NCOA2: variants seen among roughly 807,000 people sequenced by gnomAD.
NCOA2 encodes the protein nuclear receptor coactivator 2.
NCOA2 carries 21 observed loss-of-function variants against 145.1 expected under a neutral mutation model. The ratio of observed to expected loss-of-function variants is 0.14; its 90% CI spans 0.10 to 0.21. The LOEUF (loss-of-function observed/expected upper bound fraction) is 0.21. Among genes scored for constraint, NCOA2 ranks in the 10% least tolerant of loss-of-function variants. The pLI is 1.00. For missense variants in NCOA2, 1,472 were observed against 1,837.6 expected, an observed-to-expected ratio of 0.80 and a Z score of 3.64; for synonymous variants, 619 against 637.5, an observed-to-expected ratio of 0.97 and a Z score of 0.44.
At chr8:70,321,330 T>G (rs1662864215) in intron 1 of NCOA2, among the ~76,000 whole-genome samples, 3 of 136,066 alleles carry the variant, frequency 2.2e-5, no homozygotes, top group African/African-American at 6.2e-5. Context: ...CATCACTTTG[T>G]TTTTTTTTTT....
chr8:70,119,335 CTCAGT>C (rs1337516326), intron 22 of NCOA2, among the ~76,000 whole-genome samples: 1 of 152,172 alleles, frequency 6.6e-6, no homozygotes, highest in Non-Finnish European at 1.5e-5. Context: ...CCTGCCTTAT[CTCAGT>C]TAAGATAATG....
intron 22 of NCOA2, among the ~76,000 whole-genome samples, chr8:70,119,752 TG>T (rs761363963): frequency 7.2e-5 from 11 of 152,230 alleles, no homozygotes; most frequent in Non-Finnish European, 1.6e-4. Context: ...TGGGGTAAGA[TG>T]GTATCTCCTT....
intron 2 of NCOA2, among the ~76,000 whole-genome samples, chr8:70,267,462 TCA>T (rs2135213121): frequency 7.0e-6 from 1 of 142,492 alleles, no homozygotes; most frequent in African/African-American, 2.6e-5. Flanking sequence ...ACAGTGACAA[TCA>T]CAGCTCACCG....
chr8:70,160,940 CTT>C (rs1416023409), intron 9 of NCOA2, among the ~76,000 whole-genome samples: 4 of 152,142 alleles, frequency 2.6e-5, no homozygotes, highest in African/African-American at 9.7e-5. Flanking sequence ...TATAGTAAGA[CTT>C]ATATTTCCAA....
At chr8:70,391,210 G>A (rs776811011) in intron 1 of NCOA2, among the ~76,000 whole-genome samples, 7 of 152,140 alleles carry the variant, frequency 4.6e-5, no homozygotes, top group Non-Finnish European at 8.8e-5. Context: ...CTATTGCTCC[G>A]AAAAGCTCCA....
chr8:70,144,946 G>A, intron 12 of NCOA2, 98 bp from the exon 13 acceptor site: 1 of 1,131,832 alleles, frequency 8.8e-7, no homozygotes, highest in South Asian at 1.4e-5. Flanking sequence ...AATGACAAAG[G>A]TATGTATGTC....
At chr8:70,190,875 G>T (rs983099797) in intron 4 of NCOA2, among the ~76,000 whole-genome samples, 1 of 152,114 alleles carries the variant, frequency 6.6e-6, no homozygotes, top group Non-Finnish European at 1.5e-5. Flanking sequence ...GTTGGAAGAA[G>T]ATGAACTTCA....
At chr8:70,366,330 G>C (rs1182721703) in intron 1 of NCOA2, among the ~76,000 whole-genome samples, 1 of 152,068 alleles carries the variant, frequency 6.6e-6, no homozygotes, top group Admixed American at 6.5e-5. Context: ...GAAATACACA[G>C]AGCACAGGTT....
intron 1 of NCOA2, among the ~76,000 whole-genome samples, chr8:70,350,884 CA>C (rs1295192544): frequency 1.3e-5 from 2 of 152,156 alleles, no homozygotes; most frequent in African/African-American, 4.8e-5. Flanking sequence ...GTTGCTATAA[CA>C]AAATACCACA....
At chr8:70,370,571 C>T (rs1202157886) in intron 1 of NCOA2, among the ~76,000 whole-genome samples, 1 of 152,060 alleles carries the variant, frequency 6.6e-6, no homozygotes, top group Non-Finnish European at 1.5e-5. Flanking sequence ...GACTGCTTCA[C>T]CTGGATATGT....
the NCOA2 span, among the ~76,000 whole-genome samples, chr8:70,446,316 G>T: frequency 1.3e-5 from 2 of 152,114 alleles, no homozygotes; most frequent in Non-Finnish European, 2.9e-5. Flanking sequence ...TTTGGTTTTT[G>T]CCTCAGATAG....
chr8:70,389,511 C>T (rs1158426487), intron 1 of NCOA2, among the ~76,000 whole-genome samples: 1 of 152,104 alleles, frequency 6.6e-6, no homozygotes. Context: ...AACTCCCGAC[C>T]TCAGGTGATC....
chr8:70,371,952 C>A (rs936699448), intron 1 of NCOA2, among the ~76,000 whole-genome samples: 2 of 150,058 alleles, frequency 1.3e-5, no homozygotes, highest in African/African-American at 4.9e-5. Context: ...AGTTTAAAAA[C>A]TAACAAATAT....
chr8:70,159,552 CTGAGAACGGA>C lies in NCOA2; in HGVS notation c.1067_1076del (p.Ile356ArgfsTer9). ...TTACAAGTTGAGGTTCATTAGTAGT[CTGAGAACGGA>C]TGAGTTTGCTCTTCGTTTGTGCAGC... On this transcript the variant is annotated frameshift_variant, in exon 10 of 23. Coordinates refer to ENST00000452400, the MANE Select transcript of NCOA2 (RefSeq NM_006540.4). LOFTEE classifies it high-confidence loss of function. 1 of 1,611,834 alleles carries C rather than the reference CTGAGAACGGA, an allele frequency of 6.2e-7. No individual in the cohort carries two copies. The highest frequency in any genetic ancestry group is 8.5e-7 in the Non-Finnish European group (1 of 1,178,236).
intron 1 of NCOA2, among the ~76,000 whole-genome samples, chr8:70,325,682 C>T (rs1034268080): frequency 3.3e-5 from 5 of 152,124 alleles, no homozygotes; most frequent in African/African-American, 1.2e-4. Context: ...GGATTACAGG[C>T]GTGAGCTATC....
intron 4 of NCOA2, among the ~76,000 whole-genome samples, chr8:70,180,354 T>C (rs1815336824): frequency 6.6e-6 from 1 of 152,148 alleles, no homozygotes. Flanking sequence ...TGAACAGCAA[T>C]CCCTCACAAT....
At chr8:70,395,133 T>A (rs1358132062) in intron 1 of NCOA2, among the ~76,000 whole-genome samples, 1 of 152,154 alleles carries the variant, frequency 6.6e-6, no homozygotes, top group African/African-American at 2.4e-5. Flanking sequence ...TATTTAATCT[T>A]CAACTTGAAG....
chr8:70,201,352 G>A (rs952756318), intron 4 of NCOA2, among the ~76,000 whole-genome samples: 4 of 152,120 alleles, frequency 2.6e-5, no homozygotes, highest in African/African-American at 7.2e-5. Flanking sequence ...AGTAAAAGCT[G>A]GACTAGCAAT....
At chr8:70,252,473 G>C (rs1041214275) in intron 2 of NCOA2, among the ~76,000 whole-genome samples, 6 of 152,162 alleles carry the variant, frequency 3.9e-5, no homozygotes, top group African/African-American at 1.2e-4. Context: ...TACAACATAT[G>C]CTCTGACCAT....
Sources: gnomAD v4.1 joint callset for allele counts (sites outside exome capture counted in the v4.1 genomes callset) on GRCh38, gnomAD v4.1.1 for gene constraint, MANE v1.5 for transcripts, NCBI Gene and HGNC (gene_info 2026-07-23, HGNC 2026-07-21) for gene names.